The following MAP2 variants were observed in gnomAD, a reference collection of about 807,000 sequenced individuals.
MAP2 encodes microtubule associated protein 2.
MAP2 carries 14 observed loss-of-function variants against 137.6 expected under a neutral mutation model. That is an observed-to-expected ratio of 0.10 (90% CI 0.07 to 0.16). The LOEUF (loss-of-function observed/expected upper bound fraction) is 0.16, where lower values mean the gene tolerates loss of function less well. Ranked by LOEUF, MAP2 falls within the 10% of genes least tolerant of loss-of-function variation. MAP2 has a pLI of 1.00. For missense variants in MAP2, 2,088 were observed against 2,191.5 expected (o/e 0.95, Z 0.94); for synonymous variants, 786 against 782.3 (o/e 1.00, Z -0.08).
intron 2 of MAP2, among the ~76,000 whole-genome samples, chr2:209,521,193 C>T (rs2063222355): frequency 6.6e-6 from 1 of 151,920 alleles, no homozygotes; most frequent in South Asian, 2.1e-4. Context: ...AAGAAGTGTG[C>T]TAGAAAAGAA....
intron 5 of MAP2, among the ~76,000 whole-genome samples, chr2:209,677,399 T>C (rs868641800): frequency 1.5e-5 from 2 of 137,388 alleles, no homozygotes; most frequent in African/African-American, 6.5e-5. Context: ...GATAGATAGA[T>C]AGATAGACAG....
intron 2 of MAP2, among the ~76,000 whole-genome samples, chr2:209,569,770 C>T (rs2074082345): frequency 6.6e-6 from 1 of 151,668 alleles, no homozygotes; most frequent in Non-Finnish European, 1.5e-5. Context: ...TAAGATTCAC[C>T]ATGATGTTTG....
chr2:209,662,833 C>T (rs1047108148), intron 5 of MAP2, among the ~76,000 whole-genome samples: 1 of 150,716 alleles, frequency 6.6e-6, no homozygotes, highest in Non-Finnish European at 1.5e-5. Flanking sequence ...ATTTTCTCCT[C>T]ACAAAAGAGA....
intron 7 of MAP2, among the ~76,000 whole-genome samples, chr2:209,688,365 T>A (rs562299481): frequency 6.6e-6 from 1 of 152,198 alleles, no homozygotes; most frequent in Non-Finnish European, 1.5e-5. Flanking sequence ...CACATAATAT[T>A]ACTATTAAAT....
intron 1 of MAP2, among the ~76,000 whole-genome samples, chr2:209,452,665 G>A (rs33975733): frequency 0.13 from 20,397 of 152,050 alleles, 3,347 homozygotes; most frequent in African/African-American, 0.39. Flanking sequence ...CAATATATTT[G>A]GTACTTCTAG....
At chr2:209,711,661 A>G (rs2065523002) in intron 13 of MAP2, among the ~76,000 whole-genome samples, 1 of 152,208 alleles carries the variant, frequency 6.6e-6, no homozygotes, top group African/African-American at 2.4e-5. Flanking sequence ...TGCACATGCA[A>G]GAGAAGGAAA....
intron 2 of MAP2, among the ~76,000 whole-genome samples, chr2:209,575,518 C>CAAAAAAAAAAA (rs71043942): frequency 3.5e-5 from 1 of 28,384 alleles, no homozygotes. Flanking sequence ...GACTCCATCT[C>CAAAAAAAAAAA]AAAAAAAAAA....
intron 13 of MAP2, among the ~76,000 whole-genome samples, chr2:209,716,170 T>C (rs1280404785): frequency 1.3e-5 from 2 of 152,220 alleles, no homozygotes; most frequent in Non-Finnish European, 2.9e-5. Flanking sequence ...AATATTCCAT[T>C]ATATAATTAG....
intron 2 of MAP2, among the ~76,000 whole-genome samples, chr2:209,548,112 T>C (rs1050354132): frequency 2.6e-4 from 39 of 152,206 alleles, no homozygotes; most frequent in African/African-American, 8.9e-4. Context: ...TCAGTTCATC[T>C]AGGCATGTAA....
intron 3 of MAP2, among the ~76,000 whole-genome samples, chr2:209,583,147 G>GATCTATCTATCTA (rs1553604237): frequency 2.0e-5 from 3 of 147,152 alleles, no homozygotes; most frequent in African/African-American, 7.7e-5. Flanking sequence ...CTGTCTGTCT[G>GATCTATCTATCTA]TCTATCTATC....
chr2:209,540,496 T>G (rs1234191221), intron 2 of MAP2, among the ~76,000 whole-genome samples: 3 of 149,792 alleles, frequency 2.0e-5, no homozygotes, highest in African/African-American at 7.5e-5. Context: ...CCGAGCGTGG[T>G]GGCACGCGTC....
At chr2:209,455,346 A>G (rs1395721932) in intron 1 of MAP2, among the ~76,000 whole-genome samples, 1 of 152,134 alleles carries the variant, frequency 6.6e-6, no homozygotes, top group Non-Finnish European at 1.5e-5. Flanking sequence ...TTTTGATCTT[A>G]TTTTGTCTTT....
chr2:209,699,396 A>C (rs959120138), intron 10 of MAP2, among the ~76,000 whole-genome samples: 2 of 152,170 alleles, frequency 1.3e-5, no homozygotes, highest in African/African-American at 2.4e-5. Context: ...GGAGGAATAA[A>C]CACACAAGCT....
At chr2:209,454,428 G>A (rs996171615) in intron 1 of MAP2, among the ~76,000 whole-genome samples, 2 of 151,900 alleles carry the variant, frequency 1.3e-5, no homozygotes, top group Non-Finnish European at 2.9e-5. Flanking sequence ...TCTGCCTCCC[G>A]AGTTCAAGCA....
At chr2:209,602,960 C>T (rs985370338) in intron 3 of MAP2, among the ~76,000 whole-genome samples, 2 of 152,186 alleles carry the variant, frequency 1.3e-5, no homozygotes, top group Non-Finnish European at 2.9e-5. Context: ...TAATGACTCT[C>T]AGGCAGGCAT....
rs893567007 is a variant in MAP2 at position 209,434,833 on chromosome 2, C to A, written c.-222+10557C>A. On this transcript the variant is annotated intron_variant, in intron 1 of 15. Transcript: ENST00000682079. The stretch of plus-strand genomic sequence containing the variant: ...CCAGATCCTCTCTCTCTCTCTCTCT[C>A]TATATATATATATATGTTATATATA... Among the ~76,000 whole-genome samples, 175 of 93,176 alleles carry A rather than the reference C, an allele frequency of 1.9e-3. 1 individual carries two copies. Among genetic ancestry groups the A allele is most frequent in the Middle Eastern group, 0.016 (3 of 184 alleles). 61.1% of individuals were successfully genotyped at this position (93,176 alleles called of 152,430 possible).
In MAP2 at chr2:209,657,550, A is replaced by G. The variant is rs186037414; in HGVS notation, c.262+4118A>G. On this transcript the variant is annotated intron_variant, in intron 5 of 15. Coordinates refer to ENST00000682079, the MANE Select transcript of MAP2 (RefSeq NM_001375505.1). ...TTAGTGATGTTGAGCATTTTTTTTC[A>G]TATACCTATTTGGCCATTTGTGCAT... Among the ~76,000 whole-genome samples the G allele has an allele frequency of 1.1e-3, 161 of 151,874 alleles. 2 individuals are homozygous for G. The highest frequency in any genetic ancestry group is 1.3e-3 in the Admixed American group (20 of 15,272).
chr2:209,474,159 A>G, intron 1 of MAP2, among the ~76,000 whole-genome samples: 1 of 152,186 alleles, frequency 6.6e-6, no homozygotes, highest in South Asian at 2.1e-4. Context: ...AGATATGGGC[A>G]TACTGCCAGG....
intron 2 of MAP2, among the ~76,000 whole-genome samples, chr2:209,514,176 TG>T (rs2062126870): frequency 1.3e-5 from 2 of 151,282 alleles, no homozygotes; most frequent in Non-Finnish European, 1.5e-5. Context: ...ATCCTGGATA[TG>T]TTTTTTTAAT....
Sources: gnomAD v4.1 joint callset for allele counts (sites outside exome capture counted in the v4.1 genomes callset) on GRCh38, gnomAD v4.1.1 for gene constraint, MANE v1.5 for transcripts, NCBI Gene and HGNC (gene_info 2026-07-23, HGNC 2026-07-21) for gene names.